The following IMPDH1 variants were observed in gnomAD, a reference collection of about 807,000 sequenced individuals.
IMPDH1 encodes the protein inosine monophosphate dehydrogenase 1, also known as inosine-5'-monophosphate dehydrogenase 1.
IMPDH1 carries 41 observed loss-of-function variants against 73.5 expected under a neutral mutation model. The observed-to-expected ratio is 0.56, with a 90% confidence interval of 0.43 to 0.72. IMPDH1 has a LOEUF of 0.72. IMPDH1 is among the 30% of genes least tolerant of loss of function. IMPDH1 has a pLI of 0.00. For missense variants in IMPDH1, 645 were observed against 824.8 expected, an observed-to-expected ratio of 0.78 and a Z score of 2.67; for synonymous variants, 318 against 334.3, an observed-to-expected ratio of 0.95 and a Z score of 0.53.
intron 4 of IMPDH1, 108 bp downstream of exon 4, chr7:128,405,659 C>G: frequency 7.1e-7 from 1 of 1,413,940 alleles, no homozygotes. Context: ...CCACAGCAGG[C>G]ACTCGCACCG....
rs758380227 is a variant in IMPDH1, at chr7:128,400,820, G to T, written c.576C>A (p.Val192=). Residue 192 remains valine (V), a synonymous_variant, in exon 7 of 17, where the codon GTC becomes GTA. Coordinates refer to ENST00000338791, the MANE Select transcript of IMPDH1 (RefSeq NM_000883.4). ...PEFQANEVRK[V]KKFEQGFITD... is the part of the protein sequence containing the mutation. ...TGGGGACAGGCCTGGTACTTGCCTT[G>T]ACCTTCCGCACCTCGTTGGCCTGGA... is the stretch of plus-strand genomic sequence containing the variant. 6.2e-7 allele frequency: 1 copy of T among 1,614,034 alleles called. No individual in the cohort carries two copies.
chr7:128,396,506 A>G lies in IMPDH1; in HGVS notation c.1261+94T>C. On this transcript the variant is annotated intron_variant, in intron 12 of 16. Coordinates refer to ENST00000338791, the MANE Select transcript of IMPDH1 (RefSeq NM_000883.4). The surrounding 1 kb of genome is among the most constrained non-coding windows in gnomAD (Gnocchi z 4.0). The stretch of plus-strand genomic sequence containing the variant: ...TCACCCCGGAGCCTACCATGGCAGA[A>G]CAGGGCCTGGCAGAGAGAGTACTTG... 1 of 1,030,042 alleles carries G rather than the reference A, an allele frequency of 9.7e-7. No individual in the cohort carries two copies. The highest frequency in any genetic ancestry group is 2.0e-5 in the Admixed American group (1 of 50,344). The allele number at this position is 1,030,042 out of a possible 1,614,324, so 63.8% of individuals were successfully genotyped here.
At chr7:128,403,052 A>T (rs892773249) in intron 5 of IMPDH1, among the ~76,000 whole-genome samples, 6 of 152,016 alleles carry the variant, frequency 3.9e-5, no homozygotes, top group Non-Finnish European at 8.8e-5. Flanking sequence ...TCTCTACAAT[A>T]AGGCAGCCAC....
chr7:128,400,507 C>T lies in IMPDH1; in HGVS notation c.612G>A (p.Val204=). The change falls in exon 8 of 17, where the codon GTG becomes GTA. Residue 204 remains valine, a synonymous_variant. Coordinates refer to ENST00000338791, the MANE Select transcript of IMPDH1 (RefSeq NM_000883.4). ...KFEQGFITDP[V]VLSPSHTVGD... Reference sequence around the variant, plus strand: ...CCACAGTGTGCGAGGGGCTCAGCACCACAGGGTCCGTGATGAAGCCCTGTT... The same window carrying T: ...CCACAGTGTGCGAGGGGCTCAGCACTACAGGGTCCGTGATGAAGCCCTGTT... 1 of 1,612,922 alleles carries T rather than the reference C, an allele frequency of 6.2e-7. No homozygotes were observed. The highest frequency in any genetic ancestry group is 8.5e-7 in the Non-Finnish European group (1 of 1,179,984).
rs1584706845 is a variant in IMPDH1, at chr7:128,392,970, T to C, written c.*37A>G. On this transcript the variant is annotated 3_prime_UTR_variant, in exon 17 of 17. Coordinates refer to ENST00000338791, the MANE Select transcript of IMPDH1 (RefSeq NM_000883.4). ...CTGTGCCCAAAAGTGGACACTGGGG[T>C]GCATCCCCTCCACCACCTCGGCCTC... 2 of 1,610,782 alleles carry C rather than the reference T, an allele frequency of 1.2e-6. No homozygotes were observed. The highest frequency in any genetic ancestry group is 1.1e-5 in the South Asian group (1 of 91,024).
chr7:128,399,129 C>G (rs958997418), intron 9 of IMPDH1, among the ~76,000 whole-genome samples: 1 of 152,024 alleles, frequency 6.6e-6, no homozygotes, highest in African/African-American at 2.4e-5. Context: ...TTTGGGAGGC[C>G]GAGGCAGGTG....
At position 128,409,201 on chromosome 7, in the gene IMPDH1, G is replaced by T. The variant is rs370231848; in HGVS notation, c.254+88C>A. 22 of 1,168,708 alleles carry T rather than the reference G, an allele frequency of 1.9e-5. 1 individual carries two copies. Among genetic ancestry groups the T allele is most frequent in the African/African-American group, 1.5e-4 (10 of 65,672 alleles). The allele number at this position is 1,168,708 out of a possible 1,614,324, so 72.4% of individuals were successfully genotyped here. A position where few individuals can be genotyped will look rare whatever the true frequency, so the allele number is the denominator to read the frequency against. On this transcript the variant is annotated intron_variant, in intron 3 of 16. Coordinates refer to ENST00000338791, the MANE Select transcript of IMPDH1 (RefSeq NM_000883.4). ...TTCCCCTACAGACCCCAGCATGGGG[G>T]CCTGCGTCTTCGGAGAGACCTTGAG...
At chr7:128,406,286 C>T (rs1798759918) in intron 3 of IMPDH1, among the ~76,000 whole-genome samples, 1 of 2,922 alleles carries the variant, frequency 3.4e-4, no homozygotes, top group Non-Finnish European at 1.3e-3. Context: ...AGAGGCCCCA[C>T]CCCCCCACAC....
intron 4 of IMPDH1, 136 bp downstream of exon 4, chr7:128,405,631 G>T (rs1305482429): frequency 7.7e-7 from 1 of 1,290,600 alleles, no homozygotes; most frequent in Non-Finnish European, 1.0e-6. Context: ...CTTCCTTCCC[G>T]TGCCCAGCCC....
intron 5 of IMPDH1, among the ~76,000 whole-genome samples, chr7:128,401,924 G>T (rs1387806852): frequency 6.6e-6 from 1 of 152,162 alleles, no homozygotes; most frequent in African/African-American, 2.4e-5. Context: ...CATTTGTGCA[G>T]ACTTTGCTAT....
rs1406150631 is a variant in IMPDH1 at position 128,409,300 on chromosome 7, A to C, written c.243T>G (p.Leu81=). 6.2e-7 allele frequency: 1 copy of C among 1,614,070 alleles called. No homozygotes were observed. The highest frequency in any genetic ancestry group is 2.2e-5 in the East Asian group (1 of 44,874). Residue 81 remains leucine (L), a synonymous_variant, in exon 3 of 17, where the codon CTT becomes CTG. Coordinates refer to ENST00000338791, the MANE Select transcript of IMPDH1 (RefSeq NM_000883.4). ...GAGAGTGTCCTCACCTAGCCCTGCGAAGGCGATCCATCTGGACACCAACAC... is the reference window on the plus strand; with the variant it reads ...GAGAGTGTCCTCACCTAGCCCTGCGCAGGCGATCCATCTGGACACCAACAC... The part of the protein sequence containing the change: ...LAGVGVQMDR[L]RRASMADYLI...
intron 3 of IMPDH1, among the ~76,000 whole-genome samples, chr7:128,407,290 G>T (rs552164078): frequency 6.6e-6 from 1 of 152,336 alleles, no homozygotes; most frequent in South Asian, 2.1e-4. Flanking sequence ...CAAGCCACGA[G>T]GTTCCCTGGG....
intron 16 of IMPDH1, among the ~76,000 whole-genome samples, chr7:128,393,889 G>A (rs146305326): frequency 1.0e-3 from 159 of 152,228 alleles, no homozygotes; most frequent in East Asian, 4.6e-3. Context: ...TGGCCCTGGC[G>A]TCCATCTCTC....
At position 128,401,084 on chromosome 7, in the gene IMPDH1, C is replaced by T. The variant is rs138882932; in HGVS notation, c.435G>A (p.Thr145=). The T allele has an allele frequency of 1.7e-5, 28 of 1,613,946 alleles. No individual in the cohort carries two copies. Among genetic ancestry groups the T allele is most frequent in the East Asian group, 2.2e-5 (1 of 44,872 alleles). The change falls in exon 6 of 17, where the codon ACG becomes ACA. Residue 145 remains threonine, a synonymous_variant. Coordinates refer to ENST00000338791, the MANE Select transcript of IMPDH1 (RefSeq NM_000883.4). ...GGGAGGAGATCAGTGGCGTCTTCAG[C>T]GTGATCTTCCGGGTCAGGGCTGAGG... is the stretch of plus-strand genomic sequence containing the variant. ...DLTSALTRKI[T]LKTPLISSPM...
chr7:128,405,791 G>T lies in IMPDH1; in HGVS notation c.329C>A (p.Ala110Asp). Reference protein sequence around the residue: ...EDGLTAQQLFASADGLTYNDF... With the variant: ...EDGLTAQQLFDSADGLTYNDF... Reference sequence around the variant, plus strand: ...CTTGTAGGTGAGGCCGTCGGCGCTGGCGAAGAGCTGCTGCGCGGTGAGCCC... The same window carrying T: ...CTTGTAGGTGAGGCCGTCGGCGCTGTCGAAGAGCTGCTGCGCGGTGAGCCC... Residue 110 changes from alanine to aspartate, a missense_variant, in exon 4 of 17, where the codon GCC becomes GAC. Ala to Asp is a moderately radical substitution (Grantham distance 126, BLOSUM62 -2). This residue lies in a region of IMPDH1 where 186 missense variants were observed against 186.6 expected (regional missense o/e 1.00). Coordinates refer to ENST00000338791, the MANE Select transcript of IMPDH1 (RefSeq NM_000883.4). The T allele has an allele frequency of 6.5e-7, 1 of 1,541,054 alleles. No individual in the cohort carries two copies. The highest frequency in any genetic ancestry group is 1.4e-5 in the African/African-American group (1 of 71,472).
In IMPDH1 at chr7:128,394,657, A is replaced by G. The variant is rs1247130337; in HGVS notation, c.1551-58T>C. The G allele has an allele frequency of 6.2e-7, 1 of 1,602,000 alleles. No homozygotes were observed. Among genetic ancestry groups the G allele is most frequent in the East Asian group, 2.2e-5 (1 of 44,800 alleles). On this transcript the variant is annotated intron_variant, in intron 14 of 16. Transcript: ENST00000338791. The surrounding 1 kb of genome is among the most constrained non-coding windows in gnomAD (Gnocchi z 5.5). ...CTTGAAGCTCAGAGGACCCCACCCC[A>G]CCTCTTAAGGGCAAAAACGGGATAC... is the stretch of plus-strand genomic sequence containing the variant.
chr7:128,409,378 T>TAA, intron 2 of IMPDH1, 26 bp from the exon 3 acceptor site: 1 of 1,614,096 alleles, frequency 6.2e-7, no homozygotes, highest in Non-Finnish European at 8.5e-7. Flanking sequence ...TAAGGAGGGG[T>TAA]AAGCCAAGTC....
In IMPDH1 at chr7:128,398,346, G is replaced by A; in HGVS notation, c.1074+68C>T. ...CAGGCTTAATCAGAGGTGAACCTGG[G>A]TCCTCATAAACCTCCACTCTGCTGA... On this transcript the variant is annotated intron_variant, in intron 10 of 16. Transcript: ENST00000338791. This position sits in a 1 kb window ranked among gnomAD's most constrained non-coding sequence, Gnocchi z 4.3. 1 of 1,295,544 alleles carries A rather than the reference G, an allele frequency of 7.7e-7. No homozygotes were observed. The highest frequency in any genetic ancestry group is 1.1e-6 in the Non-Finnish European group (1 of 895,098). 80.3% of individuals were successfully genotyped at this position (1,295,544 alleles called of 1,614,324 possible).
chr7:128,403,530 C>A (rs1220603674), intron 5 of IMPDH1, among the ~76,000 whole-genome samples, 176 bp downstream of exon 5: 1 of 150,564 alleles, frequency 6.6e-6, no homozygotes, highest in Non-Finnish European at 1.5e-5. Flanking sequence ...TGCACTCCAG[C>A]CTGTGTGACA....
Sources: allele counts gnomAD v4.1 joint callset (sites outside exome capture counted in the v4.1 genomes callset), GRCh38; gene constraint gnomAD v4.1.1; regional missense constraint gnomAD v4.1.1; non-coding constraint Gnocchi (gnomAD v3.1); transcripts MANE v1.5; gene names NCBI Gene and HGNC (gene_info 2026-07-23, HGNC 2026-07-21).